Variants in POLDIP3 observed in about 807,000 individuals in gnomAD.
POLDIP3 encodes the protein DNA polymerase delta interacting protein 3.
POLDIP3 carries 14 observed loss-of-function variants against 45.1 expected under a neutral mutation model. The observed-to-expected ratio is 0.31, with a 90% CI of 0.20 to 0.49. POLDIP3 has a LOEUF of 0.49. POLDIP3 is among the 20% of genes least tolerant of loss of function. POLDIP3 has a pLI of 0.99. For missense variants in POLDIP3, 511 were observed against 538.8 expected (o/e 0.95, Z 0.51); for synonymous variants, 223 against 205.2 (o/e 1.09, Z -0.74).
intron 1 of POLDIP3, among the ~76,000 whole-genome samples, chr22:42,608,047 C>A (rs957544074): frequency 6.6e-6 from 1 of 152,210 alleles, no homozygotes; most frequent in African/African-American, 2.4e-5. Flanking sequence ...GCCGCCACCC[C>A]GTCTGGGAGG....
In POLDIP3 at chr22:42,596,464, T is replaced by A. The variant is rs546715251; in HGVS notation, c.634-99A>T. ...ACTTGCTGAGAGCATGAACCCTCGA[T>A]GCCTCCCAGCTCTCTAATTCTATTA... is the stretch of plus-strand genomic sequence containing the variant. On this transcript the variant is annotated intron_variant, in intron 4 of 8. Transcript: ENST00000252115. 147 of 1,164,870 alleles carry A rather than the reference T, an allele frequency of 1.3e-4. No homozygotes were observed. In the African/African-American group the frequency reaches 2.0e-3, roughly 16 times the overall value. 72.2% of individuals were successfully genotyped at this position (1,164,870 alleles called of 1,614,324 possible).
At chr22:42,609,442 C>T (rs1341743147) in intron 1 of POLDIP3, among the ~76,000 whole-genome samples, 12 of 152,138 alleles carry the variant, frequency 7.9e-5, no homozygotes. Context: ...ATACCCCCTA[C>T]GGGAACCTGG....
chr22:42,605,122 C>T (rs137107), intron 1 of POLDIP3, among the ~76,000 whole-genome samples: 70,383 of 151,556 alleles, frequency 0.46, 19,515 homozygotes, highest in African/African-American at 0.77. Context: ...AGTTTCTTTT[C>T]TTCAGTTTTG....
At chr22:42,599,587 A>G in intron 4 of POLDIP3, 111 bp downstream of exon 4, 1 of 788,744 alleles carries the variant, frequency 1.3e-6, no homozygotes, top group Non-Finnish European at 2.1e-6. Flanking sequence ...AGCCTGGGGG[A>G]GAAGAGCGAG....
At chr22:42,598,249 A>AT (rs34265457) in intron 4 of POLDIP3, among the ~76,000 whole-genome samples, 18,704 of 90,766 alleles carry the variant, frequency 0.21, 3,357 homozygotes, top group African/African-American at 0.38. Context: ...CACCCCGGAT[A>AT]TTTTTTTTTT....
chr22:42,611,704 A>ACCTCTACT (rs1423058031), intron 1 of POLDIP3, among the ~76,000 whole-genome samples: 1 of 151,986 alleles, frequency 6.6e-6, no homozygotes, highest in East Asian at 1.9e-4. Context: ...GTGAAACCCC[A>ACCTCTACT]CCTCTACTAA....
intron 1 of POLDIP3, among the ~76,000 whole-genome samples, chr22:42,612,020 A>T (rs920277430): frequency 2.0e-5 from 3 of 152,208 alleles, no homozygotes; most frequent in African/African-American, 7.2e-5. Flanking sequence ...TGAGATAAAA[A>T]CGGAGTTTCC....
At chr22:42,600,988 A>G (rs965860566) in intron 3 of POLDIP3, among the ~76,000 whole-genome samples, 1 of 151,780 alleles carries the variant, frequency 6.6e-6, no homozygotes, top group African/African-American at 2.4e-5. Flanking sequence ...CCAGCTACTC[A>G]GGAGGCTGAG....
chr22:42,594,027 C>T (rs940154444), intron 6 of POLDIP3, among the ~76,000 whole-genome samples: 14 of 152,070 alleles, frequency 9.2e-5, no homozygotes, highest in African/African-American at 3.4e-4. Context: ...TTTGGGAGGC[C>T]AAGACAGGCA....
intron 6 of POLDIP3, among the ~76,000 whole-genome samples, chr22:42,592,403 CCT>C (rs1489380689): frequency 6.6e-6 from 1 of 152,204 alleles, no homozygotes; most frequent in African/African-American, 2.4e-5. Flanking sequence ...CGCAAAGAGC[CCT>C]GTCATTAGAA....
In POLDIP3 at chr22:42,596,221, T is replaced by G; in HGVS notation, c.778A>C (p.Lys260Gln). Residue 260 changes from lysine to glutamine, a missense_variant, in exon 5 of 9, where the codon AAG becomes CAG. This residue lies in a region of POLDIP3 where 378 missense variants were observed against 352.3 expected (regional missense o/e 1.07). Transcript: ENST00000252115. The stretch of plus-strand genomic sequence containing the variant: ...GGCAGCTCTTTGGGGGGTTCTTCCT[T>G]GTTCACCAGTGTCCGGGACATGTTG... ...LTNMSRTLVN[K>Q]EEPPKELPAA... is the part of the protein sequence containing the mutation. 6.2e-7 allele frequency: 1 copy of G among 1,614,204 alleles called. No homozygotes were observed. The highest frequency in any genetic ancestry group is 8.5e-7 in the Non-Finnish European group (1 of 1,180,028).
In POLDIP3 at chr22:42,588,593, T is replaced by C. The variant is rs79755208; in HGVS notation, c.1022-1021A>G. Among the ~76,000 whole-genome samples, 13 of 151,312 alleles carry C rather than the reference T, an allele frequency of 8.6e-5. No homozygotes were observed. In the East Asian group the frequency reaches 2.3e-3, roughly 27 times the overall value. ...AAAAAAAAAACCAGTAAGATCTAAC[T>C]ATACACTCTCTATAGGTGACACATT... On this transcript the variant is annotated intron_variant, in intron 7 of 8. Transcript: ENST00000252115.
At position 42,614,851 on chromosome 22, in the gene POLDIP3, C is replaced by T. The variant is rs915424737; in HGVS notation, c.7G>A (p.Asp3Asn). MADISLDELIRKR... is the reference protein window; with the variant it reads MANISLDELIRKR... ...CTGATGAGTTCGTCCAGGGAGATGTCCGCCATCTTGCTCCGCCGAGCAAGC... is the reference window on the plus strand; with the variant it reads ...CTGATGAGTTCGTCCAGGGAGATGTTCGCCATCTTGCTCCGCCGAGCAAGC... The change falls in exon 1 of 9, where the codon GAC becomes AAC. Residue 3 changes from aspartate to asparagine, a missense_variant. By Grantham distance (23) the Asp-to-Asn change is conservative (BLOSUM62 1). Coordinates refer to ENST00000252115, the MANE Select transcript of POLDIP3 (RefSeq NM_032311.5). 3.1e-6 allele frequency: 5 copies of T among 1,614,004 alleles called. 1 individual carries two copies. The South Asian group carries it at 5.5e-5, about 18-fold the overall frequency.
chr22:42,610,204 C>A (rs1018130320), intron 1 of POLDIP3, among the ~76,000 whole-genome samples: 2 of 152,138 alleles, frequency 1.3e-5, no homozygotes, highest in African/African-American at 2.4e-5. Context: ...AAAATACTAT[C>A]CCCTTACCCA....
In POLDIP3 at chr22:42,585,284, A is replaced by C. The variant is rs140871094; in HGVS notation, c.*507T>G. On this transcript the variant is annotated 3_prime_UTR_variant, in exon 9 of 9. Transcript: ENST00000252115. ...TCCCCACCCAGGCACCTCCACTGAC[A>C]AGACAGAGGAGCGGCACAGCTCTCA... 1 of 514,770 alleles carries C rather than the reference A, an allele frequency of 1.9e-6. No individual in the cohort carries two copies. 31.9% of individuals were successfully genotyped at this position (514,770 alleles called of 1,614,324 possible).
At chr22:42,594,507 T>A (rs1786619327) in intron 6 of POLDIP3, among the ~76,000 whole-genome samples, 1 of 151,974 alleles carries the variant, frequency 6.6e-6, no homozygotes, top group Non-Finnish European at 1.5e-5. Flanking sequence ...TGAGACTCCA[T>A]CTCAAAAACA....
chr22:42,585,813 G>A lies in POLDIP3; in HGVS notation c.1244C>T (p.Thr415Ile). The change falls in exon 9 of 9, where the codon ACA becomes ATA. Residue 415 changes from threonine to isoleucine, a missense_variant. This residue lies in a region of POLDIP3 where 22 missense variants were observed against 34.1 expected (regional missense o/e 0.64). Transcript: ENST00000252115. ...SSGASVTTQP[T>I]EFKIKL ...TGCTCAAAGCTTGATTTTGAATTCT[G>A]TGGGCTGCGTGGTCACAGAGGCCCC... The A allele has an allele frequency of 6.2e-7, 1 of 1,612,330 alleles. No individual in the cohort carries two copies. The highest frequency in any genetic ancestry group is 8.5e-7 in the Non-Finnish European group (1 of 1,179,792).
intron 1 of POLDIP3, among the ~76,000 whole-genome samples, chr22:42,609,848 T>C (rs770163662): frequency 5.3e-5 from 8 of 152,152 alleles, no homozygotes; most frequent in Non-Finnish European, 7.3e-5. Flanking sequence ...ATTAGGTGTT[T>C]AAGAGACACA....
chr22:42,599,222 T>G (rs771378051), intron 4 of POLDIP3, among the ~76,000 whole-genome samples: 3 of 152,236 alleles, frequency 2.0e-5, no homozygotes, highest in Non-Finnish European at 4.4e-5. Context: ...GGCACCCCAG[T>G]GTCTCAGCGT....
Sources: gnomAD v4.1 joint callset for allele counts (sites outside exome capture counted in the v4.1 genomes callset) on GRCh38, gnomAD v4.1.1 for gene constraint, gnomAD v4.1.1 regional missense constraint, MANE v1.5 for transcripts, NCBI Gene and HGNC (gene_info 2026-07-23, HGNC 2026-07-21) for gene names.